Variants in NIPBL observed in about 807,000 individuals in gnomAD.
The protein encoded by NIPBL is NIPBL cohesin loading factor, also known as nipped-B-like protein.
In NIPBL, 19 loss-of-function variants were observed where a neutral mutation model predicts 321.8. The observed-to-expected ratio is 0.06, with a 90% CI of 0.04 to 0.09. NIPBL has a LOEUF of 0.09. Ranked by LOEUF, NIPBL falls within the 10% of genes least tolerant of loss-of-function variation. NIPBL has a pLI of 1.00. For missense variants in NIPBL, 2,210 were observed against 3,327.0 expected (o/e 0.66, Z 8.26); for synonymous variants, 1,106 against 1,114.1 (o/e 0.99, Z 0.14).
At chr5:36,889,925 A>C (rs955065960) in intron 1 of NIPBL, among the ~76,000 whole-genome samples, 2 of 151,904 alleles carry the variant, frequency 1.3e-5, no homozygotes, top group African/African-American at 2.4e-5. Flanking sequence ...GAAAAAAAAA[A>C]CTACATGCTG....
chr5:36,908,332 A>C (rs1279691742), intron 1 of NIPBL, among the ~76,000 whole-genome samples: 1 of 152,166 alleles, frequency 6.6e-6, no homozygotes, highest in African/African-American at 2.4e-5. Context: ...ATAGCCCTCT[A>C]TCAAGTAAGT....
chr5:36,879,013 G>A (rs1283101198), intron 1 of NIPBL, among the ~76,000 whole-genome samples: 3 of 152,136 alleles, frequency 2.0e-5, no homozygotes, highest in Non-Finnish European at 4.4e-5. Flanking sequence ...GGGAGGGAAT[G>A]CAGACGGGAG....
At chr5:36,961,435 C>T (rs759832442) in intron 4 of NIPBL, 49 bp from the exon 5 acceptor site, 2 of 1,080,386 alleles carry the variant, frequency 1.9e-6, no homozygotes, top group South Asian at 2.5e-5. Context: ...TTAAAGGACA[C>T]TTTACTGTTA....
chr5:36,937,641 C>T (rs1386200080), intron 1 of NIPBL, among the ~76,000 whole-genome samples: 2 of 152,006 alleles, frequency 1.3e-5, no homozygotes, highest in Non-Finnish European at 2.9e-5. Context: ...TCCATTATGT[C>T]ATCCAACGTC....
At chr5:37,026,970 A>G (rs1432297564) in intron 31 of NIPBL, among the ~76,000 whole-genome samples, 1 of 151,982 alleles carries the variant, frequency 6.6e-6, no homozygotes, top group Non-Finnish European at 1.5e-5. Context: ...ATCATCTTCT[A>G]CATTTCTATT....
chr5:37,032,207 G>A (rs1353867958), intron 32 of NIPBL, among the ~76,000 whole-genome samples: 7 of 152,118 alleles, frequency 4.6e-5, no homozygotes, highest in African/African-American at 1.7e-4. Flanking sequence ...TTGAGTTACA[G>A]TGGTGAATGC....
At chr5:37,040,134 A>G (rs931470163) in intron 34 of NIPBL, among the ~76,000 whole-genome samples, 2 of 152,174 alleles carry the variant, frequency 1.3e-5, no homozygotes, top group African/African-American at 2.4e-5. Flanking sequence ...AGTCTGGACT[A>G]TAATGAAACC....
rs1745126760 is a variant in NIPBL, at chr5:36,877,145, G to C, written c.-113G>C. 3.3e-6 allele frequency: 1 copy of C among 306,910 alleles called. No individual in the cohort carries two copies. The highest frequency in any genetic ancestry group is 2.2e-5 in the African/African-American group (1 of 45,690). The allele number at this position is 306,910 out of a possible 1,614,324, so 19.0% of individuals were successfully genotyped here. A position where few individuals can be genotyped will look rare whatever the true frequency, so the allele number is the denominator to read the frequency against. On this transcript the variant is annotated 5_prime_UTR_variant, in exon 1 of 47. Coordinates refer to ENST00000282516, the MANE Select transcript of NIPBL (RefSeq NM_133433.4). The stretch of plus-strand genomic sequence containing the variant: ...ATAGTCTCTCGCCACAGCGGCCTCG[G>C]CCTCCCCTTGGATTCAGACGCCGAT...
chr5:36,955,015 G>T (rs554973006), intron 2 of NIPBL: 6 of 157,694 alleles, frequency 3.8e-5, no homozygotes, highest in Non-Finnish European at 8.4e-5. Context: ...GCTAAAGTGA[G>T]GTATTTATTT....
intron 34 of NIPBL, among the ~76,000 whole-genome samples, chr5:37,039,076 T>C (rs1436608077): frequency 6.6e-6 from 1 of 151,970 alleles, no homozygotes; most frequent in African/African-American, 2.4e-5. Flanking sequence ...TTGTCTGTCA[T>C]TTATAATATA....
In NIPBL at chr5:36,946,578, G is replaced by GTGTGTGTGTGTATA. The variant is rs34031984; in HGVS notation, c.-79-7033_-79-7032insGTGTATATGTGTGT. 3.3e-5 allele frequency among the ~76,000 whole-genome samples: 5 copies of GTGTGTGTGTGTATA among 151,172 alleles called. No individual in the cohort carries two copies. The South Asian group carries it at 6.3e-4, about 19-fold the overall frequency. On this transcript the variant is annotated intron_variant, in intron 1 of 46. Coordinates refer to ENST00000282516, the MANE Select transcript of NIPBL (RefSeq NM_133433.4). ...TGTGTATATATATGCATGTGTCTGT[G>GTGTGTGTGTGTATA]TGTGTGTATATGTATATATATACAC...
chr5:36,922,513 TTTAAC>T (rs1200971904), intron 1 of NIPBL, among the ~76,000 whole-genome samples: 1 of 152,108 alleles, frequency 6.6e-6, no homozygotes, highest in Non-Finnish European at 1.5e-5. Context: ...GTATTATACT[TTTAAC>T]TTAGTATGAA....
chr5:37,062,691 A>G lies in NIPBL; in HGVS notation c.7861-1099A>G, dbSNP rs187987083. Among the ~76,000 whole-genome samples, 177 of 152,280 alleles carry G rather than the reference A, an allele frequency of 1.2e-3. 1 individual carries two copies. The highest frequency in any genetic ancestry group is 1.3e-4 in the Non-Finnish European group (9 of 68,008). On this transcript the variant is annotated intron_variant, in intron 45 of 46. Coordinates refer to ENST00000282516, the MANE Select transcript of NIPBL (RefSeq NM_133433.4). ...TCTTAGCACCTTGGGAGGCCTATGT[A>G]GGAGGTTTGCTTGAGTCCAGGAAGT...
chr5:37,061,959 A>C (rs1271344800), intron 45 of NIPBL, among the ~76,000 whole-genome samples: 1 of 151,920 alleles, frequency 6.6e-6, no homozygotes, highest in Admixed American at 6.6e-5. Context: ...CTCCTGCCTC[A>C]GCCTCCCGCA....
chr5:36,968,394 C>T (rs573268186), intron 6 of NIPBL, among the ~76,000 whole-genome samples: 2 of 152,044 alleles, frequency 1.3e-5, no homozygotes, highest in Non-Finnish European at 2.9e-5. Flanking sequence ...ACAGTGAAAC[C>T]CGTGTGTACT....
At chr5:36,926,535 T>G (rs1470599444) in intron 1 of NIPBL, among the ~76,000 whole-genome samples, 1 of 152,200 alleles carries the variant, frequency 6.6e-6, no homozygotes, top group Non-Finnish European at 1.5e-5. Flanking sequence ...TTTAACATAG[T>G]GGATCAGGGT....
intron 1 of NIPBL, chr5:36,885,858 AG>A (rs1745859622): frequency 1.4e-6 from 1 of 717,134 alleles, no homozygotes; most frequent in Non-Finnish European, 2.6e-6. Flanking sequence ...AACCACGAAG[AG>A]GAAGTAAAAG....
intron 1 of NIPBL, among the ~76,000 whole-genome samples, chr5:36,896,800 A>G (rs1292836962): frequency 6.6e-6 from 1 of 152,028 alleles, no homozygotes; most frequent in Non-Finnish European, 1.5e-5. Flanking sequence ...CGGTTTCGCC[A>G]TGTTGGCCAG....
chr5:36,992,327 T>C (rs1283901429), intron 10 of NIPBL, among the ~76,000 whole-genome samples: 3 of 152,174 alleles, frequency 2.0e-5, no homozygotes. Context: ...CAAGCAACAA[T>C]AATCCCTAAA....
Sources: allele counts gnomAD v4.1 joint callset (sites outside exome capture counted in the v4.1 genomes callset), GRCh38; gene constraint gnomAD v4.1.1; transcripts MANE v1.5; gene names NCBI Gene and HGNC (gene_info 2026-07-23, HGNC 2026-07-21).